Variants in SNTB2 observed in about 807,000 individuals in gnomAD.
SNTB2 encodes syntrophin beta 2.
SNTB2 carries 34 observed loss-of-function variants against 46.2 expected under a neutral mutation model. The observed-to-expected ratio is 0.74, with a 90% CI of 0.56 to 0.98. The LOEUF (loss-of-function observed/expected upper bound fraction) is 0.98, where lower values mean the gene tolerates loss of function less well. Among genes scored for constraint, SNTB2 ranks in the 50% least tolerant of loss-of-function variants. SNTB2 has a pLI of 0.00. For synonymous variants in SNTB2, 290 were observed against 312.6 expected, an observed-to-expected ratio of 0.93 and a Z score of 0.76; for missense variants, 603 against 731.4, an observed-to-expected ratio of 0.82 and a Z score of 2.02.
chr16:69,258,909 G>A (rs541001148), intron 2 of SNTB2, among the ~76,000 whole-genome samples: 3 of 151,942 alleles, frequency 2.0e-5, no homozygotes, highest in African/African-American at 7.2e-5. Context: ...CACCATGCCT[G>A]GCCGCTAATT....
intron 1 of SNTB2, among the ~76,000 whole-genome samples, chr16:69,200,150 G>A (rs370155444): frequency 1.4e-4 from 21 of 152,110 alleles, no homozygotes; most frequent in African/African-American, 4.6e-4. Flanking sequence ...TCCTGACCTC[G>A]TGATCCGCCT....
intron 3 of SNTB2, among the ~76,000 whole-genome samples, chr16:69,266,466 G>C (rs1403803942): frequency 2.0e-5 from 3 of 151,774 alleles, no homozygotes; most frequent in African/African-American, 7.3e-5. Context: ...GTAAGTAGAA[G>C]AGGGAAAAGA....
intron 4 of SNTB2, among the ~76,000 whole-genome samples, chr16:69,280,652 A>G (rs1306564352): frequency 6.6e-6 from 1 of 151,980 alleles, no homozygotes; most frequent in Non-Finnish European, 1.5e-5. Context: ...CTCACTTCCC[A>G]GTAGGGGCGG....
At chr16:69,261,232 G>A (rs1964831687) in intron 3 of SNTB2, among the ~76,000 whole-genome samples, 2 of 150,754 alleles carry the variant, frequency 1.3e-5, no homozygotes, top group South Asian at 2.1e-4. Context: ...GAAGGATTTT[G>A]TTCTTTCATT....
intron 2 of SNTB2, among the ~76,000 whole-genome samples, chr16:69,258,529 G>A (rs1567408891): frequency 6.7e-6 from 1 of 148,978 alleles, no homozygotes; most frequent in African/African-American, 2.5e-5. Context: ...CACTGGAGGA[G>A]TAATCATATA....
chr16:69,220,721 A>G (rs1964395574), intron 1 of SNTB2, among the ~76,000 whole-genome samples: 1 of 151,802 alleles, frequency 6.6e-6, no homozygotes, highest in African/African-American at 2.4e-5. Flanking sequence ...TTTTAGAGAC[A>G]AGGTCTCCCT....
chr16:69,225,925 A>G (rs1964455318), intron 1 of SNTB2, among the ~76,000 whole-genome samples: 1 of 151,332 alleles, frequency 6.6e-6, no homozygotes, highest in Admixed American at 6.6e-5. Flanking sequence ...CCGTCTCCAC[A>G]CCTGGCTAAT....
In SNTB2 at chr16:69,270,145, A is replaced by G. The variant is rs1136042; in HGVS notation, c.1008A>G (p.Ala336=). The G allele has an allele frequency of 0.035, 56,434 of 1,613,884 alleles. 1,154 individuals are homozygous for G. The highest frequency in any genetic ancestry group is 0.042 in the Admixed American group (2,548 of 59,982). Residue 336 remains alanine (A), a splice_region_variant and synonymous_variant, in exon 4 of 7, where the codon GCA becomes GCG. Coordinates refer to ENST00000336278, the MANE Select transcript of SNTB2 (RefSeq NM_006750.4). ...VKHIAWLAEQ[A]KLDGGRQQWR... ...TCTGAATTTTTCCATTGTAACAGGC[A>G]AAACTAGATGGTGGAAGACAGCAAT...
intron 1 of SNTB2, among the ~76,000 whole-genome samples, chr16:69,204,147 T>C (rs145296652): frequency 0.025 from 3,503 of 140,788 alleles, 136 homozygotes; most frequent in African/African-American, 0.09. Context: ...CCAGCCTCAG[T>C]TTCCCAAATG....
chr16:69,283,951 T>C, intron 4 of SNTB2, 97 bp from the exon 5 acceptor site: 1 of 1,149,948 alleles, frequency 8.7e-7, no homozygotes, highest in Non-Finnish European at 1.2e-6. Context: ...AACTGCTGAT[T>C]GCTTTTATAA....
chr16:69,211,576 G>A (rs886414406), intron 1 of SNTB2, among the ~76,000 whole-genome samples: 5 of 151,794 alleles, frequency 3.3e-5, no homozygotes, highest in South Asian at 2.1e-4. Context: ...AAAAACAGGC[G>A]GAAGTGAAAA....
chr16:69,235,150 T>G (rs1236223379), intron 1 of SNTB2, among the ~76,000 whole-genome samples: 2 of 152,056 alleles, frequency 1.3e-5, no homozygotes, highest in Non-Finnish European at 2.9e-5. Context: ...TAGCTGGGAT[T>G]ACAGGCGCAC....
chr16:69,276,040 G>A (rs976918381), intron 4 of SNTB2, among the ~76,000 whole-genome samples: 1 of 152,166 alleles, frequency 6.6e-6, no homozygotes, highest in African/African-American at 2.4e-5. Context: ...AAGCATGAAA[G>A]TGATAAATGA....
chr16:69,244,967 G>A (rs753212861), intron 1 of SNTB2, among the ~76,000 whole-genome samples: 13 of 152,154 alleles, frequency 8.5e-5, no homozygotes, highest in Non-Finnish European at 1.6e-4. Context: ...GCTTAGTATG[G>A]GGAGGAGAGA....
In SNTB2 at chr16:69,303,878, C is replaced by G. The variant is rs1210959464; in HGVS notation, c.*2954C>G. The G allele has an allele frequency of 2.0e-5, 3 of 152,336 alleles. No individual in the cohort carries two copies. The highest frequency in any genetic ancestry group is 7.2e-5 in the African/African-American group (3 of 41,414). 9.4% of individuals were successfully genotyped at this position (152,336 alleles called of 1,614,324 possible). A position where few individuals can be genotyped will look rare whatever the true frequency, so the allele number is the denominator to read the frequency against. ...TATAGAACCAGCTCACTTTTCATTTCTTTTTCATTTTGAATTAAGAAAATT... is the reference window on the plus strand; with the variant it reads ...TATAGAACCAGCTCACTTTTCATTTGTTTTTCATTTTGAATTAAGAAAATT... On this transcript the variant is annotated 3_prime_UTR_variant, in exon 7 of 7. Coordinates refer to ENST00000336278, the MANE Select transcript of SNTB2 (RefSeq NM_006750.4).
rs1313467223 is a variant in SNTB2, at chr16:69,270,198, A to G, written c.1061A>G (p.Glu354Gly). The change falls in exon 4 of 7, where the codon GAG becomes GGG. Residue 354 changes from glutamate to glycine, a missense_variant. By Grantham distance (98) the Glu-to-Gly change is moderately conservative (BLOSUM62 -2). Coordinates refer to ENST00000336278, the MANE Select transcript of SNTB2 (RefSeq NM_006750.4). Reference sequence around the variant, plus strand: ...AGACCTGTCCTCATGGCTGTGACTGAGAAGGATTTGCTGCTCTATGACTGT... The same window carrying G: ...AGACCTGTCCTCATGGCTGTGACTGGGAAGGATTTGCTGCTCTATGACTGT... ...QWRPVLMAVT[E>G]KDLLLYDCMP... is the part of the protein sequence containing the mutation. 2 of 1,614,098 alleles carry G rather than the reference A, an allele frequency of 1.2e-6. No homozygotes were observed. Among genetic ancestry groups the G allele is most frequent in the Admixed American group, 3.3e-5 (2 of 59,984 alleles).
chr16:69,275,947 A>G (rs1964981752), intron 4 of SNTB2, among the ~76,000 whole-genome samples: 1 of 152,230 alleles, frequency 6.6e-6, no homozygotes, highest in African/African-American at 2.4e-5. Flanking sequence ...ATTGGATTGC[A>G]CATTTACAGA....
chr16:69,203,627 C>CT (rs1254788440), intron 1 of SNTB2, among the ~76,000 whole-genome samples: 4 of 152,062 alleles, frequency 2.6e-5, no homozygotes, highest in Non-Finnish European at 5.9e-5. Context: ...GACTGAGCCA[C>CT]TGTGTGTGGT....
At chr16:69,218,332 A>G (rs1415142193) in intron 1 of SNTB2, among the ~76,000 whole-genome samples, 1 of 152,206 alleles carries the variant, frequency 6.6e-6, no homozygotes, top group African/African-American at 2.4e-5. Context: ...TTTGTCATGG[A>G]ATTTTGGAAT....
Sources: allele counts gnomAD v4.1 joint callset (sites outside exome capture counted in the v4.1 genomes callset), GRCh38; gene constraint gnomAD v4.1.1; transcripts MANE v1.5; gene names NCBI Gene and HGNC (gene_info 2026-07-23, HGNC 2026-07-21).